PSMA8: variants seen among roughly 807,000 people sequenced by gnomAD.
The protein encoded by PSMA8 is proteasome 20S subunit alpha 8, also known as proteasome subunit alpha-type 8.
PSMA8 carries 18 observed loss-of-function variants against 32.4 expected under a neutral mutation model. That is an observed-to-expected ratio of 0.56 (90% CI 0.38 to 0.82). The LOEUF (loss-of-function observed/expected upper bound fraction) is 0.82. PSMA8 is among the 40% of genes least tolerant of loss of function. The pLI is 0.00. For missense variants in PSMA8, 298 were observed against 300.7 expected (o/e 0.99, Z 0.07); for synonymous variants, 104 against 98.1 (o/e 1.06, Z -0.36).
chr18:26,134,401 G>A (rs2054894260), intron 1 of PSMA8, among the ~76,000 whole-genome samples: 1 of 150,826 alleles, frequency 6.6e-6, no homozygotes, highest in South Asian at 2.1e-4. Flanking sequence ...GGACGTTAAT[G>A]ATGTGATTGA....
intron 1 of PSMA8, among the ~76,000 whole-genome samples, chr18:26,138,348 C>A (rs1598639734): frequency 1.3e-5 from 2 of 152,172 alleles, no homozygotes; most frequent in East Asian, 3.9e-4. Flanking sequence ...ACAGAGGTAG[C>A]TTTTATTCTC....
chr18:26,147,366 GA>G (rs1464832342), intron 2 of PSMA8, among the ~76,000 whole-genome samples: 1 of 151,910 alleles, frequency 6.6e-6, no homozygotes, highest in Non-Finnish European at 1.5e-5. Flanking sequence ...ATGGGGCAAT[GA>G]AAAAAATCAC....
intron 4 of PSMA8, among the ~76,000 whole-genome samples, chr18:26,165,436 GT>G (rs776393852): frequency 1.7e-4 from 26 of 152,150 alleles, no homozygotes; most frequent in Non-Finnish European, 3.4e-4. Flanking sequence ...CTTTTCGTAA[GT>G]TTAAATTTTT....
Position 26,144,547 on chromosome 18 carries a change from ATGACT to A in PSMA8, c.103-7_103-3del, listed in dbSNP as rs750233369. ...GACATCTGAATATATATGTATTTTA[ATGACT>A]TGACAGGTCGGAATTCGAGGTACCA... On this transcript the variant is annotated splice_region_variant and splice_polypyrimidine_tract_variant and intron_variant, in intron 1 of 6. Coordinates refer to ENST00000415576, the MANE Select transcript of PSMA8 (RefSeq NM_001025096.2). 204 of 1,608,392 alleles carry A rather than the reference ATGACT, an allele frequency of 1.3e-4. 1 individual carries two copies. Among genetic ancestry groups the A allele is most frequent in the Middle Eastern group, 1.6e-4 (1 of 6,062 alleles).
At chr18:26,171,809 T>G (rs745820164) in intron 4 of PSMA8, among the ~76,000 whole-genome samples, 1 of 152,160 alleles carries the variant, frequency 6.6e-6, no homozygotes, top group African/African-American at 2.4e-5. Flanking sequence ...TACATACTAA[T>G]AAAATTAGCC....
chr18:26,145,595 T>C (rs1411631665), intron 2 of PSMA8, among the ~76,000 whole-genome samples: 3 of 152,254 alleles, frequency 2.0e-5, no homozygotes, highest in African/African-American at 7.2e-5. Context: ...ATTTTGAGAA[T>C]GTTATATGGA....
At chr18:26,145,199 A>G (rs1260571449) in intron 2 of PSMA8, among the ~76,000 whole-genome samples, 1 of 151,842 alleles carries the variant, frequency 6.6e-6, no homozygotes, top group African/African-American at 2.4e-5. Flanking sequence ...GCTCACTGCA[A>G]CCTCCACCTC....
At chr18:26,173,320 C>T (rs1478196854) in intron 4 of PSMA8, among the ~76,000 whole-genome samples, 3 of 152,144 alleles carry the variant, frequency 2.0e-5, no homozygotes, top group Non-Finnish European at 4.4e-5. Context: ...GTTTCCTCTG[C>T]CCAGAGCTTG....
chr18:26,145,767 G>A (rs2054997886), intron 2 of PSMA8, among the ~76,000 whole-genome samples: 1 of 152,142 alleles, frequency 6.6e-6, no homozygotes, highest in African/African-American at 2.4e-5. Context: ...CCTATTGAGG[G>A]ACATTTGGGT....
At chr18:26,186,411 A>C (rs2055354940) in intron 6 of PSMA8, among the ~76,000 whole-genome samples, 1 of 152,050 alleles carries the variant, frequency 6.6e-6, no homozygotes, top group African/African-American at 2.4e-5. Context: ...TATGATGAGT[A>C]CTGTATTATT....
At chr18:26,171,393 T>A in intron 4 of PSMA8, 1 of 1,150,010 alleles carries the variant, frequency 8.7e-7, no homozygotes. Context: ...CAGACTAATA[T>A]AACGTGTAAT....
intron 4 of PSMA8, among the ~76,000 whole-genome samples, chr18:26,174,703 G>A (rs1014629963): frequency 1.3e-5 from 2 of 152,130 alleles, no homozygotes; most frequent in African/African-American, 4.8e-5. Flanking sequence ...TGTTAACTAC[G>A]TCGTATACTT....
chr18:26,172,614 T>C (rs2055231993), intron 4 of PSMA8, among the ~76,000 whole-genome samples: 1 of 152,110 alleles, frequency 6.6e-6, no homozygotes, highest in Admixed American at 6.5e-5. Context: ...TGAGAAGCCA[T>C]ATGCCACTTG....
chr18:26,155,651 T>A (rs2055082950), intron 3 of PSMA8, among the ~76,000 whole-genome samples: 1 of 152,128 alleles, frequency 6.6e-6, no homozygotes, highest in Admixed American at 6.5e-5. Flanking sequence ...AAAATCTACT[T>A]AAAATGGACT....
chr18:26,179,427 G>A (rs975424171), intron 6 of PSMA8, among the ~76,000 whole-genome samples: 3 of 151,980 alleles, frequency 2.0e-5, no homozygotes, highest in East Asian at 1.9e-4. Flanking sequence ...CACCGCAGTC[G>A]TCCTGTCTAC....
intron 6 of PSMA8, among the ~76,000 whole-genome samples, chr18:26,191,703 C>G (rs1425811004): frequency 6.6e-6 from 1 of 152,048 alleles, no homozygotes; most frequent in Non-Finnish European, 1.5e-5. Context: ...GATCCACCCA[C>G]CTCGGCCTCC....
chr18:26,142,556 G>A (rs191276499), intron 1 of PSMA8, among the ~76,000 whole-genome samples: 217 of 152,188 alleles, frequency 1.4e-3, no homozygotes, highest in Middle Eastern at 3.4e-3. Context: ...AAGGACATTT[G>A]GTCTTTCTCT....
At chr18:26,177,416 A>C (rs1436734946) in intron 4 of PSMA8, among the ~76,000 whole-genome samples, 1 of 152,212 alleles carries the variant, frequency 6.6e-6, no homozygotes, top group Non-Finnish European at 1.5e-5. Context: ...CCATTTCTAC[A>C]TCCAAGAATT....
rs769529223 is a variant in PSMA8, at chr18:26,151,894, C to T, written c.266C>T (p.Ala89Val). 1.2e-6 allele frequency: 2 copies of T among 1,611,576 alleles called. No individual in the cohort carries two copies. Among genetic ancestry groups the T allele is most frequent in the Non-Finnish European group, 1.7e-6 (2 of 1,178,890 alleles). The change falls in exon 3 of 7, where the codon GCC becomes GTC. Residue 89 changes from alanine to valine, a missense_variant. Ala to Val is a moderately conservative substitution (Grantham distance 64, BLOSUM62 0). Transcript: ENST00000415576. ...TADARVVINRARVECQSHKLT... is the reference protein window; with the variant it reads ...TADARVVINRVRVECQSHKLT... ...GATGCTAGAGTAGTAATAAACAGAG[C>T]CCGTGTGGAGTGCCAGAGCCATAAG... is the stretch of plus-strand genomic sequence containing the variant.
Sources: allele counts gnomAD v4.1 joint callset (sites outside exome capture counted in the v4.1 genomes callset), GRCh38; gene constraint gnomAD v4.1.1; transcripts MANE v1.5; gene names NCBI Gene and HGNC (gene_info 2026-07-23, HGNC 2026-07-21).